Variants in SAMD3 observed in about 807,000 individuals in gnomAD.
SAMD3 encodes the protein sterile alpha motif domain containing 3.
Under a neutral mutation model 58.5 loss-of-function variants are expected in SAMD3, and 63 were observed. That is an observed-to-expected ratio of 1.08 (90% CI 0.88 to 1.33). The LOEUF (loss-of-function observed/expected upper bound fraction) is 1.33. SAMD3 is among the 40% of genes most tolerant of loss of function. SAMD3 has a pLI of 0.00. For missense variants in SAMD3, 604 were observed against 608.4 expected, an observed-to-expected ratio of 0.99 and a Z score of 0.08; for synonymous variants, 220 against 210.3, an observed-to-expected ratio of 1.05 and a Z score of -0.40.
intron 7 of SAMD3, among the ~76,000 whole-genome samples, chr6:130,181,521 T>TAAC (rs1289745040): frequency 1.3e-5 from 2 of 152,200 alleles, no homozygotes; most frequent in Non-Finnish European, 2.9e-5. Flanking sequence ...CTTTATCAGT[T>TAAC]AACGGTCCTT....
In SAMD3 at chr6:130,333,044, C is replaced by CGTGTGTGTGTGT. The variant is rs10529435; in HGVS notation, c.-303-19963_-303-19952dup. Among the ~76,000 whole-genome samples the CGTGTGTGTGTGT allele has an allele frequency of 7.6e-3, 1,087 of 143,640 alleles. 5 individuals are homozygous for CGTGTGTGTGTGT. The highest frequency in any genetic ancestry group is 0.035 in the Middle Eastern group (10 of 282). 94.2% of individuals were successfully genotyped at this position (143,640 alleles called of 152,430 possible). On this transcript the variant is annotated intron_variant, in intron 1 of 13. Coordinates refer to the SAMD3 transcript ENST00000368134. ...CAAGACAGGGCCACAGTTGAGTATG[C>CGTGTGTGTGTGT]GTGTGTGTGTGTGTGTGTGTGTGTG...
At chr6:130,236,189 A>G (rs1773138296) in intron 2 of SAMD3, among the ~76,000 whole-genome samples, 1 of 152,190 alleles carries the variant, frequency 6.6e-6, no homozygotes, top group East Asian at 1.9e-4. Flanking sequence ...ACTTCAAACT[A>G]TTTAATTTTA....
intron 2 of SAMD3, among the ~76,000 whole-genome samples, chr6:130,242,917 G>A (rs1192306523): frequency 6.6e-6 from 1 of 152,220 alleles, no homozygotes; most frequent in Non-Finnish European, 1.5e-5. Flanking sequence ...GGGGTCAACA[G>A]CAGGTGTCAG....
intron 1 of SAMD3, among the ~76,000 whole-genome samples, chr6:130,323,280 A>C (rs916581882): frequency 6.6e-6 from 1 of 152,036 alleles, no homozygotes; most frequent in African/African-American, 2.4e-5. Context: ...CCAGATCCCT[A>C]CTTCCTCTTT....
intron 2 of SAMD3, among the ~76,000 whole-genome samples, chr6:130,248,478 C>T (rs1773630984): frequency 6.6e-6 from 1 of 152,068 alleles, no homozygotes; most frequent in African/African-American, 2.4e-5. Context: ...CTAGAGGAGT[C>T]ACCCTACTTT....
chr6:130,214,359 T>C lies in SAMD3; in HGVS notation c.247A>G (p.Met83Val). ...PENPKKAALV[M>V]QTEAARDYRD... ...CACTCTCGAGCTGCTTCTGTTTGCA[T>C]GACCAGGGCTGCCTTTTTGGGGTTT... is the stretch of plus-strand genomic sequence containing the variant. Residue 83 changes from methionine to valine, a missense_variant, in exon 4 of 12, where the codon ATG (methionine) becomes GTG (valine). Coordinates refer to ENST00000439090, the MANE Select transcript of SAMD3 (RefSeq NM_001017373.4). 1 of 1,597,014 alleles carries C rather than the reference T, an allele frequency of 6.3e-7. No homozygotes were observed. The highest frequency in any genetic ancestry group is 1.1e-5 in the South Asian group (1 of 87,562).
chr6:130,181,924 G>A (rs1033502412), intron 7 of SAMD3, among the ~76,000 whole-genome samples: 5 of 152,060 alleles, frequency 3.3e-5, no homozygotes, highest in Admixed American at 6.5e-5. Flanking sequence ...AATTACCTGG[G>A]CGTGGTGGGG....
Position 130,261,205 on chromosome 6 carries a change from CTTTGGT to C in SAMD3, c.-187-38398_-187-38393del, listed in dbSNP as rs373328976. Among the ~76,000 whole-genome samples, 886 of 108,650 alleles carry C rather than the reference CTTTGGT, an allele frequency of 8.2e-3. 187 individuals carry two copies. Among genetic ancestry groups the C allele is most frequent in the African/African-American group, 0.014 (294 of 20,548 alleles). 71.3% of individuals were successfully genotyped at this position (108,650 alleles called of 152,430 possible). A position where few individuals can be genotyped will look rare whatever the true frequency, so the allele number is the denominator to read the frequency against. On this transcript the variant is annotated intron_variant, in intron 2 of 13. Coordinates refer to the SAMD3 transcript ENST00000368134. ...CACCCACGGCGTGCCTTTATCAGCA[CTTTGGT>C]TTTGGTTTTGGTTTTGACTTGGTTT...
intron 1 of SAMD3, among the ~76,000 whole-genome samples, chr6:130,338,720 G>C (rs766724400): frequency 6.6e-6 from 1 of 152,190 alleles, no homozygotes; most frequent in Admixed American, 6.5e-5. Context: ...TTTCAGACTT[G>C]CGTGAGGCCT....
At chr6:130,331,812 T>A (rs1449858403) in intron 1 of SAMD3, among the ~76,000 whole-genome samples, 1 of 152,238 alleles carries the variant, frequency 6.6e-6, no homozygotes, top group Non-Finnish European at 1.5e-5. Flanking sequence ...TATATATGTA[T>A]GTTTATGTGC....
chr6:130,174,863 C>T (rs1308506328), intron 8 of SAMD3, among the ~76,000 whole-genome samples: 1 of 152,110 alleles, frequency 6.6e-6, no homozygotes, highest in African/African-American at 2.4e-5. Flanking sequence ...ATACTTTCAC[C>T]CGAGTTTTGC....
rs139520305 is a variant in SAMD3 at position 130,164,296 on chromosome 6, A to G, written c.823-9271T>C. ...ACTGAGGGCTTAGAAAGAATCTTCA[A>G]ATAAATTAGCTGTAAAAATGAAAAC... is the stretch of plus-strand genomic sequence containing the variant. On this transcript the variant is annotated intron_variant, in intron 8 of 11. Coordinates refer to ENST00000439090, the MANE Select transcript of SAMD3 (RefSeq NM_001017373.4). Among the ~76,000 whole-genome samples the G allele has an allele frequency of 2.9e-3, 442 of 152,314 alleles. 1 individual carries two copies. The highest frequency in any genetic ancestry group is 0.01 in the African/African-American group (427 of 41,558).
intron 5 of SAMD3, among the ~76,000 whole-genome samples, chr6:130,186,996 T>C (rs1431637490): frequency 6.6e-6 from 1 of 152,010 alleles, no homozygotes; most frequent in African/African-American, 2.4e-5. Context: ...GGTCTCAATC[T>C]CCTGACCTTG....
intron 2 of SAMD3, among the ~76,000 whole-genome samples, chr6:130,266,635 C>A (rs1394677915): frequency 6.6e-6 from 1 of 152,160 alleles, no homozygotes; most frequent in Non-Finnish European, 1.5e-5. Flanking sequence ...TCCCAGAGTC[C>A]CACCGGGACT....
chr6:130,150,116 C>T (rs536909808), intron 9 of SAMD3, among the ~76,000 whole-genome samples: 140 of 151,696 alleles, frequency 9.2e-4, no homozygotes, highest in African/African-American at 3.2e-3. Flanking sequence ...TGTGTGTGCG[C>T]GCGTGTGTGT....
intron 5 of SAMD3, among the ~76,000 whole-genome samples, chr6:130,189,779 A>G (rs532300008): frequency 6.6e-6 from 1 of 152,364 alleles, no homozygotes; most frequent in Admixed American, 6.5e-5. Context: ...AACCATAAAC[A>G]TTAAACACAT....
chr6:130,246,268 A>G (rs1773543603), intron 2 of SAMD3, among the ~76,000 whole-genome samples: 1 of 152,260 alleles, frequency 6.6e-6, no homozygotes. Context: ...CAGTGTAAAT[A>G]TGTTACATAA....
chr6:130,311,201 G>A (rs773400605), intron 2 of SAMD3, among the ~76,000 whole-genome samples: 1 of 152,202 alleles, frequency 6.6e-6, no homozygotes, highest in Non-Finnish European at 1.5e-5. Flanking sequence ...TTTCTATTGT[G>A]AATATAGATT....
At chr6:130,298,624 A>G (rs564641031) in intron 2 of SAMD3, among the ~76,000 whole-genome samples, 105 of 152,194 alleles carry the variant, frequency 6.9e-4, no homozygotes, top group Admixed American at 1.7e-3. Context: ...ACAACCTAAC[A>G]TTGCACCTAA....
Sources: gnomAD v4.1 joint callset for allele counts (sites outside exome capture counted in the v4.1 genomes callset) on GRCh38, gnomAD v4.1.1 for gene constraint, MANE v1.5 for transcripts, NCBI Gene and HGNC (gene_info 2026-07-23, HGNC 2026-07-21) for gene names.